Variants in CLHC1 observed in about 807,000 individuals in gnomAD.
CLHC1 encodes clathrin heavy chain linker domain containing 1, also known as clathrin heavy chain linker domain-containing protein 1.
CLHC1 carries 72 observed loss-of-function variants against 69.5 expected under a neutral mutation model. The ratio of observed to expected loss-of-function variants is 1.04; its 90% confidence interval spans 0.86 to 1.26. CLHC1 has a LOEUF of 1.26. CLHC1 is among the 50% of genes most tolerant of loss of function. The pLI, the probability that CLHC1 is intolerant of heterozygous loss-of-function variation, is 0.00. For missense variants in CLHC1, 790 were observed against 679.3 expected, an observed-to-expected ratio of 1.16 and a Z score of -1.81; for synonymous variants, 223 against 224.3, an observed-to-expected ratio of 0.99 and a Z score of 0.05.
chr2:55,191,779 A>T (rs1455982693), intron 9 of CLHC1, among the ~76,000 whole-genome samples: 2 of 152,074 alleles, frequency 1.3e-5, no homozygotes, highest in Non-Finnish European at 2.9e-5. Flanking sequence ...AAGAAGCCAG[A>T]AAAAGTAGAA....
intron 2 of CLHC1, chr2:55,224,048 A>C (rs1674449290): frequency 6.4e-6 from 1 of 156,234 alleles, no homozygotes; most frequent in Non-Finnish European, 1.4e-5. Context: ...ATTCGCCTCG[A>C]CCTCCCAAAG....
chr2:55,173,113 G>C lies in CLHC1; in HGVS notation c.*2677C>G, dbSNP rs894718857. ...CTTAGTTCATCATGACCCTTGCTTTGCAACTGCTATGTAAAGCAATCAATG... is the reference window on the plus strand; with the variant it reads ...CTTAGTTCATCATGACCCTTGCTTTCCAACTGCTATGTAAAGCAATCAATG... On this transcript the variant is annotated 3_prime_UTR_variant, in exon 13 of 13. Coordinates refer to ENST00000401408, the MANE Select transcript of CLHC1 (RefSeq NM_152385.4). Among the ~76,000 whole-genome samples the C allele has an allele frequency of 6.6e-6, 1 of 152,144 alleles. No individual in the cohort carries two copies. Among genetic ancestry groups the C allele is most frequent in the African/African-American group, 2.4e-5 (1 of 41,432 alleles).
rs1041646166 is a variant in CLHC1, at chr2:55,173,130, C to T, written c.*2660G>A. ...CTTGCTTTGCAACTGCTATGTAAAG[C>T]AATCAATGGCAAGAGGAAAAAAGGA... is the stretch of plus-strand genomic sequence containing the variant. On this transcript the variant is annotated 3_prime_UTR_variant, in exon 13 of 13. Transcript: ENST00000401408. 7.2e-5 allele frequency among the ~76,000 whole-genome samples: 11 copies of T among 152,142 alleles called. No homozygotes were observed. The highest frequency in any genetic ancestry group is 1.0e-4 in the Non-Finnish European group (7 of 68,020).
Position 55,222,510 on chromosome 2 carries a change from G to A in CLHC1, c.-82-17C>T. ...TTGATAAGCCTGAAAGAAAAAAAGA[G>A]CATCAATTAATATAATAATTTTTTA... On this transcript the variant is annotated splice_polypyrimidine_tract_variant and intron_variant, in intron 2 of 12. Coordinates refer to ENST00000401408, the MANE Select transcript of CLHC1 (RefSeq NM_152385.4). 2 of 791,740 alleles carry A rather than the reference G, an allele frequency of 2.5e-6. No homozygotes were observed. Among genetic ancestry groups the A allele is most frequent in the Non-Finnish European group, 4.0e-6 (2 of 506,066 alleles). The allele number at this position is 791,740 out of a possible 1,614,324, so 49.0% of individuals were successfully genotyped here. A position where few individuals can be genotyped will look rare whatever the true frequency, so the allele number is the denominator to read the frequency against.
intron 4 of CLHC1, among the ~76,000 whole-genome samples, chr2:55,217,389 G>A (rs1467305522): frequency 6.7e-6 from 1 of 148,438 alleles, no homozygotes; most frequent in Non-Finnish European, 1.5e-5. Flanking sequence ...TGGGCATGGT[G>A]GCATGCACCT....
rs921896166 is a variant in CLHC1 at position 55,175,582 on chromosome 2, A to G, written c.*208T>C. On this transcript the variant is annotated 3_prime_UTR_variant, in exon 13 of 13. Coordinates refer to ENST00000401408, the MANE Select transcript of CLHC1 (RefSeq NM_152385.4). Reference sequence around the variant, plus strand: ...TAATCTTGGATTTTATCAAGATTCAATATAAGAAATGACCATATGGGGAAA... The same window carrying G: ...TAATCTTGGATTTTATCAAGATTCAGTATAAGAAATGACCATATGGGGAAA... The G allele has an allele frequency of 3.1e-5, 16 of 515,630 alleles. No homozygotes were observed. In the South Asian group the frequency reaches 4.6e-4, roughly 15 times the overall value. The allele number at this position is 515,630 out of a possible 1,614,324, so 31.9% of individuals were successfully genotyped here. A position where few individuals can be genotyped will look rare whatever the true frequency, so the allele number is the denominator to read the frequency against.
intron 9 of CLHC1, among the ~76,000 whole-genome samples, chr2:55,198,925 C>G (rs1315976630): frequency 1.3e-5 from 2 of 152,078 alleles, no homozygotes; most frequent in African/African-American, 4.8e-5. Context: ...AAATATCCTT[C>G]AAACACGAAG....
rs765903931 is a variant in CLHC1 at position 55,194,147 on chromosome 2, G to T, written c.1006+12123C>A. 4.0e-4 allele frequency among the ~76,000 whole-genome samples: 61 copies of T among 151,996 alleles called. 1 individual carries two copies. The highest frequency in any genetic ancestry group is 3.2e-4 in the Non-Finnish European group (22 of 68,008). ...GAGGCCAGGGAATGAGGAGTTAATGGGTACAAAGTTTATTTTTGTAATGAT... is the reference window on the plus strand; with the variant it reads ...GAGGCCAGGGAATGAGGAGTTAATGTGTACAAAGTTTATTTTTGTAATGAT... On this transcript the variant is annotated intron_variant, in intron 9 of 12. Transcript: ENST00000401408.
chr2:55,174,488 T>C lies in CLHC1; in HGVS notation c.*1302A>G, dbSNP rs1255866468. Among the ~76,000 whole-genome samples, 1 of 152,206 alleles carries C rather than the reference T, an allele frequency of 6.6e-6. No individual in the cohort carries two copies. Among genetic ancestry groups the C allele is most frequent in the Non-Finnish European group, 1.5e-5 (1 of 68,022 alleles). ...AGAAATGTGTGTTTCTGGGGCCGAT[T>C]ACAAAGGAATTACAGCTATCTTTTC... On this transcript the variant is annotated 3_prime_UTR_variant, in exon 13 of 13. Transcript: ENST00000401408.
At chr2:55,225,933 C>A (rs1043349441) in intron 2 of CLHC1, 2 of 152,286 alleles carry the variant, frequency 1.3e-5, no homozygotes, top group East Asian at 1.9e-4. Flanking sequence ...TAGCTCACGC[C>A]TGTAGTCCCA....
intron 9 of CLHC1, among the ~76,000 whole-genome samples, chr2:55,195,091 C>T (rs971777838): frequency 6.6e-6 from 1 of 151,894 alleles, no homozygotes; most frequent in Non-Finnish European, 1.5e-5. Context: ...TATGCAATTT[C>T]GATTATGCAA....
At chr2:55,193,161 G>C (rs937709938) in intron 9 of CLHC1, among the ~76,000 whole-genome samples, 10 of 152,042 alleles carry the variant, frequency 6.6e-5, no homozygotes, top group African/African-American at 2.4e-4. Flanking sequence ...CAAAGTGCTG[G>C]GATTATAGGC....
chr2:55,188,165 T>A (rs1046224512), intron 9 of CLHC1, among the ~76,000 whole-genome samples: 1 of 151,880 alleles, frequency 6.6e-6, no homozygotes, highest in Admixed American at 6.6e-5. Flanking sequence ...AATTTTTAAA[T>A]ATTAGCCAGG....
chr2:55,200,688 G>C (rs912473773), intron 9 of CLHC1, among the ~76,000 whole-genome samples: 3 of 152,178 alleles, frequency 2.0e-5, no homozygotes, highest in African/African-American at 4.8e-5. Flanking sequence ...GGATCTAATA[G>C]ATGTTTACAG....
intron 9 of CLHC1, among the ~76,000 whole-genome samples, chr2:55,185,235 A>G (rs746976210): frequency 7.2e-5 from 11 of 152,162 alleles, no homozygotes; most frequent in Non-Finnish European, 1.0e-4. Context: ...AAGCTATCCA[A>G]TTCACACCAA....
At chr2:55,206,733 GA>G (rs1309706215) in intron 8 of CLHC1, 1 of 217,536 alleles carries the variant, frequency 4.6e-6, no homozygotes, top group African/African-American at 2.4e-5. Context: ...ATCTCCACAT[GA>G]AAAAGTACTG....
Position 55,180,658 on chromosome 2 carries a change from A to G in CLHC1, c.1236T>C (p.Asp412=). ...CCAGGCACTTGGCCTTGTTATAAGTATCCTGCTCCCCATAATCACAAATCA... is the reference window on the plus strand; with the variant it reads ...CCAGGCACTTGGCCTTGTTATAAGTGTCCTGCTCCCCATAATCACAAATCA... ...GDVICDYGEQ[D]TYNKAKCLAL... The change falls in exon 11 of 13, where the codon GAT becomes GAC. Residue 412 remains aspartate (D), a synonymous_variant. Coordinates refer to ENST00000401408, the MANE Select transcript of CLHC1 (RefSeq NM_152385.4). The G allele has an allele frequency of 2.5e-6, 4 of 1,614,064 alleles. No homozygotes were observed. In the South Asian group the frequency reaches 3.3e-5, roughly 13 times the overall value.
intron 9 of CLHC1, among the ~76,000 whole-genome samples, chr2:55,196,828 A>T (rs1173389618): frequency 6.6e-6 from 1 of 152,118 alleles, no homozygotes; most frequent in Admixed American, 6.6e-5. Context: ...GAAGAGTAAA[A>T]AAGACTTTGT....
intron 9 of CLHC1, among the ~76,000 whole-genome samples, chr2:55,194,125 G>C (rs1376127580): frequency 1.3e-5 from 2 of 151,962 alleles, no homozygotes; most frequent in Admixed American, 6.5e-5. Context: ...GGAAGAAGAG[G>C]CCAGGGAATG....
Sources: gnomAD v4.1 joint callset for allele counts (sites outside exome capture counted in the v4.1 genomes callset) on GRCh38, gnomAD v4.1.1 for gene constraint, MANE v1.5 for transcripts, NCBI Gene and HGNC (gene_info 2026-07-23, HGNC 2026-07-21) for gene names.